Variants in XPO5 observed in about 807,000 individuals in gnomAD.
XPO5 encodes the protein exportin 5.
In XPO5, 46 loss-of-function variants were observed where a neutral mutation model predicts 160.6. The observed-to-expected ratio is 0.29, with a 90% CI of 0.23 to 0.37. XPO5 has a LOEUF of 0.37. XPO5 is among the 10% of genes least tolerant of loss of function. The pLI is 1.00. For missense variants in XPO5, 1,090 were observed against 1,463.9 expected, an observed-to-expected ratio of 0.74 and a Z score of 4.17; for synonymous variants, 537 against 519.3, an observed-to-expected ratio of 1.03 and a Z score of -0.46.
At chr6:43,539,101 G>T in intron 20 of XPO5, 6 of 1,285,400 alleles carry the variant, frequency 4.7e-6, no homozygotes, top group Non-Finnish European at 6.6e-6. Context: ...CAATGCCAGT[G>T]CCCCTGGGTG....
intron 1 of XPO5, among the ~76,000 whole-genome samples, chr6:43,574,734 C>T (rs114925248): frequency 6.6e-6 from 1 of 152,070 alleles, no homozygotes; most frequent in Non-Finnish European, 1.5e-5. Flanking sequence ...AAAGTAAATG[C>T]GGTAAAATCT....
intron 3 of XPO5, 59 bp downstream of exon 3, chr6:43,572,447 G>A: frequency 1.3e-6 from 2 of 1,534,110 alleles, no homozygotes; most frequent in Admixed American, 1.7e-5. Context: ...CCCTATTGAA[G>A]AAGTCACGCT....
chr6:43,556,738 T>C (rs1762110177), intron 12 of XPO5, among the ~76,000 whole-genome samples: 1 of 152,180 alleles, frequency 6.6e-6, no homozygotes, highest in Non-Finnish European at 1.5e-5. Context: ...AGCAGCATTA[T>C]TTGTAATAGC....
At chr6:43,569,124 C>G (rs1172490772) in intron 5 of XPO5, among the ~76,000 whole-genome samples, 1 of 151,920 alleles carries the variant, frequency 6.6e-6, no homozygotes, top group Non-Finnish European at 1.5e-5. Context: ...GAAACCCCAT[C>G]TCTACTAAAA....
rs939276237 is a variant in XPO5 at position 43,551,131 on chromosome 6, T to C, written c.1728+167A>G. 3 of 591,852 alleles carry C rather than the reference T, an allele frequency of 5.1e-6. No individual in the cohort carries two copies. The African/African-American group carries it at 5.7e-5, about 11-fold the overall frequency. The allele number at this position is 591,852 out of a possible 1,614,324, so 36.7% of individuals were successfully genotyped here. On this transcript the variant is annotated intron_variant, in intron 15 of 31. Transcript: ENST00000265351. Reference sequence around the variant, plus strand: ...CTAGGCCAGGCATGGTTGTGCATGCTTGTAGTCTCAGCTACTCAGAAGGGT... The same window carrying C: ...CTAGGCCAGGCATGGTTGTGCATGCCTGTAGTCTCAGCTACTCAGAAGGGT...
At chr6:43,544,305 AG>A (rs1279308238) in intron 20 of XPO5, 1 of 154,630 alleles carries the variant, frequency 6.5e-6, no homozygotes, top group Non-Finnish European at 1.4e-5. Context: ...TATAGAAAAT[AG>A]GAGTAGTAAA....
chr6:43,564,127 G>A (rs1311175789), intron 8 of XPO5, among the ~76,000 whole-genome samples: 2 of 152,074 alleles, frequency 1.3e-5, no homozygotes, highest in Non-Finnish European at 2.9e-5. Flanking sequence ...TCACCATGTT[G>A]GCCAGGCTGG....
chr6:43,574,736 G>T (rs1208541652), intron 1 of XPO5, among the ~76,000 whole-genome samples: 1 of 152,132 alleles, frequency 6.6e-6, no homozygotes, highest in Non-Finnish European at 1.5e-5. Flanking sequence ...AGTAAATGCG[G>T]TAAAATCTTT....
rs752501082 is a variant in XPO5 at position 43,525,171 on chromosome 6, G to C, written c.3110C>G (p.Ala1037Gly). ...CTGGCAGGACAGAGTATCTTTCCAG[G>C]CCAGGGAATTGAAGGCTGTAATTAA... Reference protein sequence around the residue: ...ALLITAFNSLAWKDTLSCQRT... With the variant: ...ALLITAFNSLGWKDTLSCQRT... Residue 1037 changes from alanine to glycine, a missense_variant, in exon 29 of 32, where the codon GCC becomes GGC. By Grantham distance (60) the Ala-to-Gly change is moderately conservative (BLOSUM62 0). Coordinates refer to ENST00000265351, the MANE Select transcript of XPO5 (RefSeq NM_020750.3). The C allele has an allele frequency of 1.9e-6, 3 of 1,585,126 alleles. No homozygotes were observed. Among genetic ancestry groups the C allele is most frequent in the African/African-American group, 2.7e-5 (2 of 74,404 alleles).
chr6:43,559,980 C>T (rs1762326130), intron 11 of XPO5, among the ~76,000 whole-genome samples, 198 bp downstream of exon 11: 1 of 152,176 alleles, frequency 6.6e-6, no homozygotes, highest in Admixed American at 6.5e-5. Context: ...ACATGCCCTG[C>T]TAATTTTTTT....
intron 13 of XPO5, chr6:43,555,576 G>C (rs1427034361): frequency 1.1e-5 from 3 of 276,038 alleles, no homozygotes; most frequent in African/African-American, 2.2e-5. Context: ...TAAATAATTG[G>C]TTGATTCTGT....
chr6:43,565,672 A>G lies in XPO5; in HGVS notation c.899T>C (p.Leu300Pro). 1.9e-6 allele frequency: 3 copies of G among 1,607,638 alleles called. No homozygotes were observed. Among genetic ancestry groups the G allele is most frequent in the Non-Finnish European group, 1.7e-6 (2 of 1,177,244 alleles). The change falls in exon 8 of 32, where the codon CTC becomes CCC. Residue 300 changes from leucine to proline, a missense_variant. Leu to Pro is a moderately conservative substitution (Grantham distance 98). Around this residue, in one of 3 missense-constraint regions of XPO5, gnomAD observed 810 missense variants for 1,139.0 expected, o/e 0.71. Transcript: ENST00000265351. ...LFGDVAMHYI[L>P]SAAQTADGGG... ...TAAAGATACTCACTGTGCGGCGGAGAGTATATAATGCATGGCAACATCTCC... is the reference window on the plus strand; with the variant it reads ...TAAAGATACTCACTGTGCGGCGGAGGGTATATAATGCATGGCAACATCTCC...
chr6:43,575,469 A>G (rs977176902), intron 1 of XPO5, among the ~76,000 whole-genome samples: 1 of 152,190 alleles, frequency 6.6e-6, no homozygotes, highest in African/African-American at 2.4e-5. Flanking sequence ...TGTTGCGGAC[A>G]AGAGTGCACA....
chr6:43,536,963 GTTTTGTT>G (rs746203912), intron 20 of XPO5, among the ~76,000 whole-genome samples: 67 of 151,272 alleles, frequency 4.4e-4, no homozygotes, highest in Non-Finnish European at 7.4e-4. Flanking sequence ...ATTGATTTTT[GTTTTGTT>G]TTTTGTTTTT....
At chr6:43,564,367 T>TA (rs918985046) in intron 8 of XPO5, among the ~76,000 whole-genome samples, 5 of 152,076 alleles carry the variant, frequency 3.3e-5, no homozygotes, top group African/African-American at 1.2e-4. Flanking sequence ...CTGTTTCTAC[T>TA]AAAAATACAA....
chr6:43,570,858 C>T lies in XPO5; in HGVS notation c.437G>A (p.Gly146Glu). ...AACTGATATAGCTGTGTTTCATACC[C>T]CTTGTTTGGAAAGAGTGTCCAATTC... Reference protein sequence around the residue: ...LIELDTLSKQGETQTELVMFI... With the variant: ...LIELDTLSKQEETQTELVMFI... The change falls in exon 4 of 32, where the codon GGG becomes GAG. Residue 146 changes from glycine (G) to glutamate (E), a missense_variant and splice_region_variant. Physicochemically the swap from Gly to Glu is moderately conservative, Grantham distance 98. Around this residue, in one of 3 missense-constraint regions of XPO5, gnomAD observed 170 missense variants for 227.0 expected, o/e 0.75. Coordinates refer to ENST00000265351, the MANE Select transcript of XPO5 (RefSeq NM_020750.3). 6.2e-7 allele frequency: 1 copy of T among 1,609,574 alleles called. No individual in the cohort carries two copies. Among genetic ancestry groups the T allele is most frequent in the South Asian group, 1.1e-5 (1 of 89,866 alleles).
intron 20 of XPO5, among the ~76,000 whole-genome samples, chr6:43,534,679 CAT>C (rs1203981893): frequency 3.3e-5 from 5 of 152,106 alleles, no homozygotes; most frequent in Non-Finnish European, 2.9e-5. Context: ...TTTAAACCTC[CAT>C]AGTTTGTTCT....
chr6:43,530,761 A>G lies in XPO5; in HGVS notation c.2604T>C (p.Leu868=). The G allele has an allele frequency of 6.2e-7, 1 of 1,613,996 alleles. No individual in the cohort carries two copies. ...MQQDFYTVED[L]ATQLLSSAFV... ...AGGCTGAGCTGAGAAGCTGGGTAGC[A>G]AGGTCCTCCACAGTATAGAAGTCTT... Residue 868 remains leucine (L), a synonymous_variant, in exon 23 of 32, where the codon CTT becomes CTC. Transcript: ENST00000265351.
At chr6:43,552,649 G>A (rs765079392) in intron 14 of XPO5, among the ~76,000 whole-genome samples, 4 of 152,118 alleles carry the variant, frequency 2.6e-5, no homozygotes, top group East Asian at 1.9e-4. Context: ...TACTGCGCCC[G>A]GCTTATCAGC....
Sources: allele counts gnomAD v4.1 joint callset (sites outside exome capture counted in the v4.1 genomes callset), GRCh38; gene constraint gnomAD v4.1.1; regional missense constraint gnomAD v4.1.1; transcripts MANE v1.5; gene names NCBI Gene and HGNC (gene_info 2026-07-23, HGNC 2026-07-21).